Variants in LRP1B observed in about 807,000 individuals in gnomAD.
The protein encoded by LRP1B is low-density lipoprotein receptor-related protein 1B.
A neutral mutation model predicts 556.6 loss-of-function variants in LRP1B; 217 were observed. The ratio of observed to expected loss-of-function variants is 0.39; its 90% confidence interval spans 0.35 to 0.44. The LOEUF (loss-of-function observed/expected upper bound fraction) is 0.44. Ranked by LOEUF, LRP1B falls within the 20% of genes least tolerant of loss-of-function variation. The pLI is 1.00. For synonymous variants in LRP1B, 2,047 were observed against 1,865.8 expected, an observed-to-expected ratio of 1.10 and a Z score of -2.50; for missense variants, 5,053 against 5,620.8, an observed-to-expected ratio of 0.90 and a Z score of 3.23.
intron 3 of LRP1B, among the ~76,000 whole-genome samples, chr2:141,316,802 G>A (rs1008856386): frequency 2.6e-5 from 4 of 152,188 alleles, no homozygotes; most frequent in Admixed American, 2.0e-4. Context: ...GATAAGCACA[G>A]CCCCATAGTG....
chr2:141,500,246 CA>C (rs1355896368), intron 2 of LRP1B, among the ~76,000 whole-genome samples: 2 of 152,090 alleles, frequency 1.3e-5, no homozygotes, highest in African/African-American at 4.8e-5. Flanking sequence ...CCTGTAAGCC[CA>C]AATCCCTTTG....
chr2:140,520,798 G>GAAAAAAAAAAAAAAAAA (rs757383865), intron 49 of LRP1B, among the ~76,000 whole-genome samples: 4 of 86,462 alleles, frequency 4.6e-5, no homozygotes, highest in Admixed American at 1.5e-4. Flanking sequence ...TAAGAAAACA[G>GAAAAAAAAAAAAAAAAA]AAAAAAAAAA....
chr2:140,693,564 A>G (rs1290247373), intron 41 of LRP1B, among the ~76,000 whole-genome samples: 2 of 152,190 alleles, frequency 1.3e-5, no homozygotes, highest in Admixed American at 6.5e-5. Context: ...TTTTTGCATC[A>G]TGAAAGTAAC....
At chr2:141,377,814 G>A (rs1185408292) in intron 3 of LRP1B, among the ~76,000 whole-genome samples, 1 of 152,098 alleles carries the variant, frequency 6.6e-6, no homozygotes, top group African/African-American at 2.4e-5. Flanking sequence ...ATTACCAACT[G>A]GCTTGTAAGA....
chr2:142,079,052 T>C (rs1237751029), intron 1 of LRP1B, among the ~76,000 whole-genome samples: 2 of 152,194 alleles, frequency 1.3e-5, no homozygotes, highest in Non-Finnish European at 2.9e-5. Context: ...TATTTTAACA[T>C]GATTCAAAGT....
At chr2:142,106,944 T>C (rs1414594379) in intron 1 of LRP1B, among the ~76,000 whole-genome samples, 1 of 152,234 alleles carries the variant, frequency 6.6e-6, no homozygotes, top group Middle Eastern at 3.4e-3. Context: ...AAGGCATATG[T>C]TATAAAAATA....
chr2:140,487,771 T>G, intron 57 of LRP1B, 32 bp from the exon 58 acceptor site: 1 of 1,382,484 alleles, frequency 7.2e-7, no homozygotes, highest in Non-Finnish European at 1.0e-6. Flanking sequence ...TTGTCAATGA[T>G]AGTTCATAGA....
intron 7 of LRP1B, among the ~76,000 whole-genome samples, chr2:141,184,169 T>A (rs1681132780): frequency 6.6e-6 from 1 of 152,050 alleles, no homozygotes; most frequent in African/African-American, 2.4e-5. Context: ...TACAATAGAA[T>A]TTTATTCTTT....
intron 3 of LRP1B, among the ~76,000 whole-genome samples, chr2:141,332,514 G>A (rs1687691406): frequency 6.6e-6 from 1 of 150,452 alleles, no homozygotes; most frequent in African/African-American, 2.4e-5. Flanking sequence ...AAAAAATAAA[G>A]CATTGTATAA....
Position 141,102,160 on chromosome 2 carries a change from G to GT in LRP1B, c.1014-39888dup. 1.3e-5 allele frequency among the ~76,000 whole-genome samples: 2 copies of GT among 152,084 alleles called. 1 individual carries two copies. The highest frequency in any genetic ancestry group is 2.9e-5 in the Non-Finnish European group (2 of 68,004). On this transcript the variant is annotated intron_variant, in intron 7 of 90. Coordinates refer to ENST00000389484, the MANE Select transcript of LRP1B (RefSeq NM_018557.3). Reference sequence around the variant, plus strand: ...GATCCAAGCCTCTCCACTCCCAAGTGTGCCTGTATTCTTCACCCTTAGTGG... The same window carrying GT: ...GATCCAAGCCTCTCCACTCCCAAGTGTTGCCTGTATTCTTCACCCTTAGTGG...
intron 1 of LRP1B, among the ~76,000 whole-genome samples, chr2:142,015,609 T>G (rs1379839125): frequency 6.6e-6 from 1 of 151,892 alleles, no homozygotes; most frequent in Non-Finnish European, 1.5e-5. Context: ...GAGAGAAAAT[T>G]TTTGCAATCT....
intron 2 of LRP1B, among the ~76,000 whole-genome samples, chr2:141,564,435 A>G (rs1229459683): frequency 6.6e-6 from 1 of 152,138 alleles, no homozygotes; most frequent in East Asian, 1.9e-4. Context: ...TTAAAGAAAT[A>G]ACTAGTGAGG....
chr2:140,701,561 G>A (rs1353242532), intron 40 of LRP1B, among the ~76,000 whole-genome samples, 160 bp downstream of exon 40: 1 of 152,010 alleles, frequency 6.6e-6, no homozygotes, highest in Admixed American at 6.6e-5. Flanking sequence ...CATATTTATT[G>A]TATTAGGCTA....
At chr2:140,241,626 C>T (rs1447601869) in intron 87 of LRP1B, among the ~76,000 whole-genome samples, 1 of 150,714 alleles carries the variant, frequency 6.6e-6, no homozygotes, top group African/African-American at 2.4e-5. Context: ...GCCTAGACTT[C>T]TGATATGTTT....
rs190791081 is a variant in LRP1B, at chr2:142,072,486, C to T, written c.82+58162G>A. Among the ~76,000 whole-genome samples, 259 of 152,112 alleles carry T rather than the reference C, an allele frequency of 1.7e-3. 2 individuals are homozygous for T. Among genetic ancestry groups the T allele is most frequent in the African/African-American group, 5.7e-3 (236 of 41,522 alleles). ...GCTCCCTAACCCCTCAAATCTTAGA[C>T]CAAGTTTGTCCAACCCCCGGCCCAC... On this transcript the variant is annotated intron_variant, in intron 1 of 90. Transcript: ENST00000389484.
chr2:142,041,966 A>C (rs1704081894), intron 1 of LRP1B, among the ~76,000 whole-genome samples: 1 of 151,542 alleles, frequency 6.6e-6, no homozygotes, highest in South Asian at 2.1e-4. Flanking sequence ...TGTAGGGGAA[A>C]AGATGATTAT....
intron 29 of LRP1B, 58 bp from the exon 30 acceptor site, chr2:140,841,150 C>G (rs1692092467): frequency 1.8e-6 from 2 of 1,088,434 alleles, no homozygotes; most frequent in African/African-American, 3.2e-5. Flanking sequence ...TGTACTGGCT[C>G]TGCAAGTAGT....
At chr2:140,864,973 T>TG (rs1286665361) in intron 27 of LRP1B, among the ~76,000 whole-genome samples, 1 of 152,054 alleles carries the variant, frequency 6.6e-6, no homozygotes, top group Non-Finnish European at 1.5e-5. Flanking sequence ...AAATCATATG[T>TG]TTAGGATTTG....
At chr2:140,282,758 C>T (rs1203410271) in intron 84 of LRP1B, among the ~76,000 whole-genome samples, 2 of 151,812 alleles carry the variant, frequency 1.3e-5, no homozygotes, top group African/African-American at 2.4e-5. Flanking sequence ...ATGTTATCCA[C>T]TGCAGTCTCT....
Sources: allele counts gnomAD v4.1 joint callset (sites outside exome capture counted in the v4.1 genomes callset), GRCh38; gene constraint gnomAD v4.1.1; transcripts MANE v1.5; gene names NCBI Gene and HGNC (gene_info 2026-07-23, HGNC 2026-07-21).